TRIM44: variants seen among roughly 807,000 people sequenced by gnomAD.
TRIM44 encodes tripartite motif containing 44, also known as tripartite motif-containing protein 44.
In TRIM44, 13 loss-of-function variants were observed where a neutral mutation model predicts 37.4. The observed-to-expected ratio is 0.35, with a 90% CI of 0.23 to 0.55. The LOEUF (loss-of-function observed/expected upper bound fraction) is 0.55, where lower values mean the gene tolerates loss of function less well. TRIM44 is among the 20% of genes least tolerant of loss of function. TRIM44 has a pLI of 0.89. For missense variants in TRIM44, 426 were observed against 437.2 expected (o/e 0.97, Z 0.23); for synonymous variants, 175 against 157.2 (o/e 1.11, Z -0.85).
chr11:35,698,279 A>G (rs1011095471), intron 2 of TRIM44, among the ~76,000 whole-genome samples: 9 of 137,724 alleles, frequency 6.5e-5, no homozygotes, highest in Admixed American at 3.7e-4. Flanking sequence ...AGCATGATTT[A>G]TAATCCTTTG....
chr11:35,775,778 A>G (rs911803041), intron 4 of TRIM44, among the ~76,000 whole-genome samples: 3 of 152,034 alleles, frequency 2.0e-5, no homozygotes, highest in Non-Finnish European at 2.9e-5. Flanking sequence ...ATGTTTATTG[A>G]TTTGCGTATG....
chr11:35,664,583 G>A (rs993658640), intron 1 of TRIM44, among the ~76,000 whole-genome samples: 1 of 152,214 alleles, frequency 6.6e-6, no homozygotes, highest in Non-Finnish European at 1.5e-5. Flanking sequence ...AGTGAACATT[G>A]TCATATTATG....
chr11:35,749,578 A>G (rs1053386440), intron 4 of TRIM44, among the ~76,000 whole-genome samples: 2 of 152,206 alleles, frequency 1.3e-5, no homozygotes, highest in African/African-American at 4.8e-5. Flanking sequence ...CCACCTACTC[A>G]GGAGGCTGAG....
In TRIM44 at chr11:35,703,809, GA is replaced by G. The variant is rs202084648; in HGVS notation, c.747+18480del. ...AAAGTAGATAAAACCACAAAGATGG[GA>G]AAAAAACAGCAGAAAAACTGGAAAC... On this transcript the variant is annotated intron_variant, in intron 2 of 4. Coordinates refer to ENST00000299413, the MANE Select transcript of TRIM44 (RefSeq NM_017583.6). 0.014 allele frequency among the ~76,000 whole-genome samples: 2,099 copies of G among 152,148 alleles called. 117 individuals carry two copies. In the East Asian group the frequency reaches 0.14, roughly 10 times the overall value.
At chr11:35,780,477 ACTTT>A (rs1311013918) in intron 4 of TRIM44, among the ~76,000 whole-genome samples, 2 of 152,160 alleles carry the variant, frequency 1.3e-5, no homozygotes, top group African/African-American at 2.4e-5. Context: ...AGCATTGGCC[ACTTT>A]CTTAGGGATT....
intron 4 of TRIM44, among the ~76,000 whole-genome samples, chr11:35,787,565 A>G (rs1853145940): frequency 6.6e-6 from 1 of 152,118 alleles, no homozygotes; most frequent in Non-Finnish European, 1.5e-5. Flanking sequence ...TTGCAAATGG[A>G]AGAAAAATAC....
intron 4 of TRIM44, among the ~76,000 whole-genome samples, chr11:35,775,710 T>G (rs1310481756): frequency 6.6e-6 from 1 of 152,236 alleles, no homozygotes; most frequent in Non-Finnish European, 1.5e-5. Flanking sequence ...AGGCCTTTTC[T>G]GCATCTATTG....
chr11:35,803,367 A>C (rs1292789064), intron 4 of TRIM44, among the ~76,000 whole-genome samples: 1 of 152,162 alleles, frequency 6.6e-6, no homozygotes, highest in Admixed American at 6.5e-5. Context: ...GAGGAGCATG[A>C]TAAGTGGCTG....
At chr11:35,792,162 C>T (rs141968406) in intron 4 of TRIM44, among the ~76,000 whole-genome samples, 16 of 150,840 alleles carry the variant, frequency 1.1e-4, no homozygotes, top group Non-Finnish European at 2.2e-4. Flanking sequence ...TTCTTCATAT[C>T]CACTATCTGA....
At chr11:35,756,751 C>G (rs1852649079) in intron 4 of TRIM44, among the ~76,000 whole-genome samples, 1 of 152,140 alleles carries the variant, frequency 6.6e-6, no homozygotes, top group Admixed American at 6.5e-5. Context: ...TTTTCTGCAT[C>G]TATTGAGATA....
chr11:35,771,071 C>T (rs560061351), intron 4 of TRIM44, among the ~76,000 whole-genome samples: 64 of 152,200 alleles, frequency 4.2e-4, no homozygotes, highest in African/African-American at 1.4e-3. Context: ...AATGTGGAAG[C>T]GACTTTGGAA....
intron 2 of TRIM44, among the ~76,000 whole-genome samples, chr11:35,715,783 G>C (rs1247043819): frequency 6.6e-6 from 1 of 152,138 alleles, no homozygotes; most frequent in Non-Finnish European, 1.5e-5. Flanking sequence ...GGAGGCCTCA[G>C]AAAACTTACA....
At chr11:35,702,041 C>T (rs1349965922) in intron 2 of TRIM44, among the ~76,000 whole-genome samples, 2 of 152,146 alleles carry the variant, frequency 1.3e-5, no homozygotes, top group African/African-American at 4.8e-5. Flanking sequence ...AAAAGCCTCT[C>T]AATTTTGCAA....
chr11:35,761,151 T>G (rs1400587816), intron 4 of TRIM44, among the ~76,000 whole-genome samples: 1 of 152,218 alleles, frequency 6.6e-6, no homozygotes, highest in Non-Finnish European at 1.5e-5. Context: ...CAACTAGTAT[T>G]CCATTGTGTA....
intron 1 of TRIM44, 67 bp from the exon 2 acceptor site, chr11:35,685,192 A>G (rs1429579590): frequency 7.4e-7 from 1 of 1,346,704 alleles, no homozygotes; most frequent in Non-Finnish European, 1.1e-6. Context: ...TGTCTTCCAA[A>G]ATGCTGTTTG....
intron 2 of TRIM44, among the ~76,000 whole-genome samples, chr11:35,692,897 T>A (rs1161246455): frequency 6.6e-6 from 1 of 150,404 alleles, no homozygotes; most frequent in Non-Finnish European, 1.5e-5. Context: ...CACTCCAGCC[T>A]GGGCGACAGA....
At chr11:35,668,157 T>C (rs1851352159) in intron 1 of TRIM44, among the ~76,000 whole-genome samples, 1 of 152,224 alleles carries the variant, frequency 6.6e-6, no homozygotes, top group African/African-American at 2.4e-5. Context: ...TCTTTTGTTT[T>C]GTTTTTTGGT....
chr11:35,769,601 G>A (rs1444326317), intron 4 of TRIM44, among the ~76,000 whole-genome samples: 1 of 152,170 alleles, frequency 6.6e-6, no homozygotes, highest in Non-Finnish European at 1.5e-5. Flanking sequence ...TTCAGCTTCT[G>A]TTTTCTTGTC....
Position 35,806,532 on chromosome 11 carries a change from T to C in TRIM44, c.*147T>C, listed in dbSNP as rs886905625. 8.3e-6 allele frequency: 7 copies of C among 845,688 alleles called. No individual in the cohort carries two copies. In the African/African-American group the frequency reaches 1.0e-4, roughly 12 times the overall value. The allele number at this position is 845,688 out of a possible 1,614,324, so 52.4% of individuals were successfully genotyped here. A position where few individuals can be genotyped will look rare whatever the true frequency, so the allele number is the denominator to read the frequency against. On this transcript the variant is annotated 3_prime_UTR_variant, in exon 5 of 5. Coordinates refer to ENST00000299413, the MANE Select transcript of TRIM44 (RefSeq NM_017583.6). ...TCCCCAGATCCACAGCAGGCACATATCTCTCCAAGGGATGACCAGTTTTAT... is the reference window on the plus strand; with the variant it reads ...TCCCCAGATCCACAGCAGGCACATACCTCTCCAAGGGATGACCAGTTTTAT...
Sources: allele counts gnomAD v4.1 joint callset (sites outside exome capture counted in the v4.1 genomes callset), GRCh38; gene constraint gnomAD v4.1.1; transcripts MANE v1.5; gene names NCBI Gene and HGNC (gene_info 2026-07-23, HGNC 2026-07-21).